Variants in ACSL6 observed in about 807,000 individuals in gnomAD.
The protein encoded by ACSL6 is long-chain-fatty-acid--CoA ligase 6.
A neutral mutation model predicts 98.2 loss-of-function variants in ACSL6; 47 were observed. The observed-to-expected ratio is 0.48, with a 90% confidence interval of 0.38 to 0.61. The LOEUF (loss-of-function observed/expected upper bound fraction) is 0.61, where lower values mean the gene tolerates loss of function less well. ACSL6 is among the 20% of genes least tolerant of loss of function. The pLI is 0.00. For missense variants in ACSL6, 761 were observed against 913.4 expected, an observed-to-expected ratio of 0.83 and a Z score of 2.15; for synonymous variants, 362 against 336.9, an observed-to-expected ratio of 1.07 and a Z score of -0.82.
chr5:131,960,513 T>C lies in ACSL6; in HGVS notation c.1959+7A>G. ...AACCTTTCAGGAGACAGCCCCAAGATACCAACCTTATTTGTGCAGAGATCT... is the reference window on the plus strand; with the variant it reads ...AACCTTTCAGGAGACAGCCCCAAGACACCAACCTTATTTGTGCAGAGATCT... On this transcript the variant is annotated splice_region_variant and intron_variant, in intron 19 of 20. Coordinates refer to ENST00000651883, the MANE Select transcript of ACSL6 (RefSeq NM_001009185.3). 2.5e-6 allele frequency: 4 copies of C among 1,611,022 alleles called. No individual in the cohort carries two copies. Among genetic ancestry groups the C allele is most frequent in the Non-Finnish European group, 3.4e-6 (4 of 1,178,972 alleles).
Position 131,989,456 on chromosome 5 carries a change from T to C in ACSL6, c.503A>G (p.Lys168Arg), listed in dbSNP as rs373520930. ...ACCAATAAACTGATCAGTGCATGCTTTACAATTGTGCTGGAGAAGTCCGGA... is the reference window on the plus strand; with the variant it reads ...ACCAATAAACTGATCAGTGCATGCTCTACAATTGTGCTGGAGAAGTCCGGA... ...LGSGLLQHNC[K>R]ACTDQFIGVF... Residue 168 changes from lysine (K) to arginine (R), a missense_variant, in exon 5 of 21, where the codon AAA (lysine) becomes AGA (arginine). Physicochemically the swap from Lys to Arg is conservative, Grantham distance 26. Transcript: ENST00000651883. 8 of 1,613,986 alleles carry C rather than the reference T, an allele frequency of 5.0e-6. No individual in the cohort carries two copies. Among genetic ancestry groups the C allele is most frequent in the Non-Finnish European group, 6.8e-6 (8 of 1,179,978 alleles).
At chr5:132,009,369 G>T (rs904898011) in intron 1 of ACSL6, among the ~76,000 whole-genome samples, 1 of 152,242 alleles carries the variant, frequency 6.6e-6, no homozygotes, top group African/African-American at 2.4e-5. Context: ...GGCAGCTGCC[G>T]TGGGACCATG....
chr5:132,002,501 A>G (rs1032064433), intron 1 of ACSL6, among the ~76,000 whole-genome samples: 2 of 151,430 alleles, frequency 1.3e-5, no homozygotes, highest in East Asian at 2.0e-4. Flanking sequence ...CTGCCAATAT[A>G]TGGTTGGGGG....
intron 10 of ACSL6, 21 bp downstream of exon 10, chr5:131,976,627 C>G (rs755209546): frequency 6.2e-7 from 1 of 1,600,932 alleles, no homozygotes; most frequent in South Asian, 1.1e-5. Context: ...ACACCTGCAA[C>G]AGTAATGCTA....
chr5:131,988,678 GC>G, intron 6 of ACSL6, 126 bp downstream of exon 6: 1 of 1,586,038 alleles, frequency 6.3e-7, no homozygotes, highest in South Asian at 1.1e-5. Flanking sequence ...CACAGTGTAA[GC>G]CCCTAGTATT....
chr5:131,990,119 T>TG lies in ACSL6; in HGVS notation c.430dup (p.Gln144ProfsTer13). On this transcript the variant is annotated frameshift_variant, in exon 4 of 21. Coordinates refer to ENST00000651883, the MANE Select transcript of ACSL6 (RefSeq NM_001009185.3). LOFTEE classifies it high-confidence loss of function. ...ACTCACCTCCTGGTAGGACAGCCAC[T>TG]GGTAAGGCTGCTTAGGCTTCCTGAA... 1 of 1,613,994 alleles carries TG rather than the reference T, an allele frequency of 6.2e-7. No homozygotes were observed. The highest frequency in any genetic ancestry group is 1.1e-5 in the South Asian group (1 of 91,066).
intron 1 of ACSL6, among the ~76,000 whole-genome samples, chr5:132,010,768 A>G (rs247001): frequency 0.53 from 80,881 of 152,014 alleles, 22,225 homozygotes; most frequent in South Asian, 0.68. Flanking sequence ...TAGCCGGTGC[A>G]GGTGGTAGAA....
intron 1 of ACSL6, among the ~76,000 whole-genome samples, chr5:132,008,534 C>A (rs1197350406): frequency 3.3e-5 from 5 of 152,216 alleles, no homozygotes; most frequent in Admixed American, 3.3e-4. Flanking sequence ...ATCATAACGA[C>A]CTCCTACTAC....
chr5:131,991,029 C>G, intron 2 of ACSL6, 62 bp from the exon 3 acceptor site: 2 of 1,414,552 alleles, frequency 1.4e-6, no homozygotes, highest in South Asian at 1.2e-5. Context: ...AGGAGAGGGC[C>G]GCAGCATGCA....
At chr5:131,985,345 T>A in intron 9 of ACSL6, 62 bp downstream of exon 9, 1 of 1,604,454 alleles carries the variant, frequency 6.2e-7, no homozygotes, top group African/African-American at 1.3e-5. Context: ...AGCAGTCACC[T>A]GCTAGGCCAC....
At chr5:132,011,724 C>T (rs1253214979), upstream of ACSL6, 2 of 1,274,706 alleles carry the variant, frequency 1.6e-6, no homozygotes, top group South Asian at 3.4e-5. This position sits in a 1 kb window ranked among gnomAD's most constrained non-coding sequence, Gnocchi z 5.4. Context: ...GCTGCGGAGA[C>T]GGCTCAAGGG....
intron 20 of ACSL6, 142 bp downstream of exon 20, chr5:131,959,394 C>T (rs1209975390): frequency 2.4e-6 from 2 of 822,112 alleles, no homozygotes; most frequent in African/African-American, 1.7e-5. Context: ...TTGGAACAGG[C>T]CTTCAGGGGT....
chr5:132,002,228 T>C (rs1755125602), intron 1 of ACSL6, among the ~76,000 whole-genome samples: 1 of 152,204 alleles, frequency 6.6e-6, no homozygotes, highest in South Asian at 2.1e-4. Context: ...AGCCAAATCC[T>C]GTGGCTGTAA....
At chr5:131,980,019 G>A (rs1258525621) in intron 9 of ACSL6, among the ~76,000 whole-genome samples, 1 of 152,190 alleles carries the variant, frequency 6.6e-6, no homozygotes, top group Admixed American at 6.5e-5. Context: ...GTGACGATCT[G>A]CCCTGATTGG....
At chr5:131,993,993 C>G (rs201850960) in intron 2 of ACSL6, 38 bp downstream of exon 2, 327 of 1,600,342 alleles carry the variant, frequency 2.0e-4, no homozygotes, top group Non-Finnish European at 2.5e-4. Flanking sequence ...TCCTCTGCCC[C>G]CTACTTTCCG....
chr5:131,978,564 A>G (rs1753744118), intron 9 of ACSL6, among the ~76,000 whole-genome samples: 1 of 152,140 alleles, frequency 6.6e-6, no homozygotes, highest in Non-Finnish European at 1.5e-5. Context: ...GAAAGGAAGG[A>G]GTCTCAGTGA....
intron 1 of ACSL6, among the ~76,000 whole-genome samples, chr5:131,995,737 C>G (rs903576536): frequency 6.6e-6 from 1 of 152,174 alleles, no homozygotes; most frequent in African/African-American, 2.4e-5. Flanking sequence ...CAGAGACACA[C>G]AAAAAGCCCT....
chr5:132,006,121 A>T (rs750967938), intron 1 of ACSL6, among the ~76,000 whole-genome samples: 1 of 152,162 alleles, frequency 6.6e-6, no homozygotes, highest in Non-Finnish European at 1.5e-5. Flanking sequence ...AGACGCCCCT[A>T]CTACATGCCT....
chr5:131,982,615 G>T (rs1753965637), intron 9 of ACSL6: 1 of 152,470 alleles, frequency 6.6e-6, no homozygotes, highest in Non-Finnish European at 1.5e-5. Context: ...GTGCCCTCAA[G>T]CCCTGCCTCG....
Sources: allele counts gnomAD v4.1 joint callset (sites outside exome capture counted in the v4.1 genomes callset), GRCh38; gene constraint gnomAD v4.1.1; non-coding constraint Gnocchi (gnomAD v3.1); transcripts MANE v1.5; gene names NCBI Gene and HGNC (gene_info 2026-07-23, HGNC 2026-07-21).